NRXN3: variants seen among roughly 807,000 people sequenced by gnomAD.
NRXN3 encodes neurexin III.
A neutral mutation model predicts 137.6 loss-of-function variants in NRXN3; 32 were observed. The observed-to-expected ratio is 0.23, with a 90% CI of 0.18 to 0.31. NRXN3 has a LOEUF of 0.31. Ranked by LOEUF, NRXN3 falls within the 10% of genes least tolerant of loss-of-function variation. NRXN3 has a pLI of 1.00. For synonymous variants in NRXN3, 798 were observed against 784.5 expected (o/e 1.02, Z -0.29); for missense variants, 1,574 against 2,062.5 (o/e 0.76, Z 4.59).
At chr14:78,892,104 A>T (rs1169251062) in intron 10 of NRXN3, among the ~76,000 whole-genome samples, 2 of 151,938 alleles carry the variant, frequency 1.3e-5, no homozygotes, top group East Asian at 3.9e-4. Context: ...GTGCCCCACC[A>T]TACACCTGCT....
chr14:79,249,284 T>G (rs2075630860), intron 15 of NRXN3, among the ~76,000 whole-genome samples: 2 of 152,136 alleles, frequency 1.3e-5, no homozygotes, highest in South Asian at 4.1e-4. Flanking sequence ...GTCTGGCACA[T>G]GAATGTTCAG....
chr14:79,806,937 T>TA (rs2099208295), intron 20 of NRXN3, among the ~76,000 whole-genome samples: 2 of 96,352 alleles, frequency 2.1e-5, no homozygotes, highest in Non-Finnish European at 2.0e-5. Context: ...AGGCTTTAAT[T>TA]TTATATATAT....
chr14:79,783,614 G>A (rs972394966), intron 19 of NRXN3, among the ~76,000 whole-genome samples: 5 of 152,066 alleles, frequency 3.3e-5, no homozygotes, highest in African/African-American at 1.2e-4. Flanking sequence ...CCTTTCGTCT[G>A]GATGCCACTC....
chr14:78,656,884 A>T (rs2097788638), intron 6 of NRXN3, among the ~76,000 whole-genome samples: 2 of 152,012 alleles, frequency 1.3e-5, no homozygotes, highest in Admixed American at 6.5e-5. Flanking sequence ...TCTACTAAAA[A>T]TACAAAATCA....
chr14:78,190,625 T>C (rs529571878), intron 1 of NRXN3, among the ~76,000 whole-genome samples: 1 of 70,708 alleles, frequency 1.4e-5, no homozygotes, highest in African/African-American at 7.6e-5. Context: ...ATTTATTTAT[T>C]TATTTATTTA....
At chr14:78,758,653 T>G (rs2098679659) in intron 8 of NRXN3, among the ~76,000 whole-genome samples, 1 of 152,248 alleles carries the variant, frequency 6.6e-6, no homozygotes, top group African/African-American at 2.4e-5. Flanking sequence ...CCGTTTTTCT[T>G]TCTTATGGTG....
Position 78,966,400 on chromosome 14 carries a change from T to A in NRXN3, c.2771T>A (p.Val924Asp). Reference sequence around the variant, plus strand: ...AATGACTTCATTGCAGTCGAGCTTGTCAAGGGGTAAGTAGAAGGGATCACG... The same window carrying A: ...AATGACTTCATTGCAGTCGAGCTTGACAAGGGGTAAGTAGAAGGGATCACG... ...DGNDFIAVEL[V>D]KGYIHYVFDL... Residue 924 changes from valine (V) to aspartate (D), a missense_variant, in exon 12 of 21, where the codon GTC becomes GAC. Around this residue, in one of 5 missense-constraint regions of NRXN3, gnomAD observed 718 missense variants for 887.6 expected, o/e 0.81. Transcript: ENST00000335750. 1 of 1,612,112 alleles carries A rather than the reference T, an allele frequency of 6.2e-7. No individual in the cohort carries two copies. The highest frequency in any genetic ancestry group is 8.5e-7 in the Non-Finnish European group (1 of 1,178,328).
chr14:78,502,124 C>G lies in NRXN3; in HGVS notation c.758-142996C>G, dbSNP rs568896778. Among the ~76,000 whole-genome samples, 14 of 152,240 alleles carry G rather than the reference C, an allele frequency of 9.2e-5. No homozygotes were observed. In the South Asian group the frequency reaches 2.9e-3, roughly 32 times the overall value. On this transcript the variant is annotated intron_variant, in intron 4 of 20. Coordinates refer to ENST00000335750, the MANE Select transcript of NRXN3 (RefSeq NM_001330195.2). ...CGTGACCAGTATTTCACAGCTCTTT[C>G]CCCCAGCACAGAAATATCTGCCGTG...
chr14:78,846,879 G>C (rs1459287335), intron 10 of NRXN3, among the ~76,000 whole-genome samples: 1 of 152,022 alleles, frequency 6.6e-6, no homozygotes, highest in Non-Finnish European at 1.5e-5. Context: ...TTATCTCAGT[G>C]AAACACTGTG....
At chr14:78,443,545 G>C (rs2094324016) in intron 4 of NRXN3, among the ~76,000 whole-genome samples, 2 of 152,158 alleles carry the variant, frequency 1.3e-5, no homozygotes, top group African/African-American at 4.8e-5. Context: ...GTTACAGTGA[G>C]TGACTCTACT....
At chr14:78,363,477 G>A (rs1301639858) in intron 4 of NRXN3, among the ~76,000 whole-genome samples, 1 of 152,186 alleles carries the variant, frequency 6.6e-6, no homozygotes, top group Non-Finnish European at 1.5e-5. Flanking sequence ...TCATAAAGAT[G>A]ACACAAAGTA....
chr14:78,618,702 A>G (rs187820134), intron 4 of NRXN3, among the ~76,000 whole-genome samples: 140 of 152,234 alleles, frequency 9.2e-4, no homozygotes, highest in African/African-American at 3.1e-3. Context: ...TCTTCAAACA[A>G]TCCATGAAGT....
chr14:79,824,067 T>C lies in NRXN3; in HGVS notation c.4093+18877T>C, dbSNP rs937268854. On this transcript the variant is annotated intron_variant, in intron 20 of 20. Coordinates refer to ENST00000335750, the MANE Select transcript of NRXN3 (RefSeq NM_001330195.2). ...AGAGTCTTGGGAATATGCTTGATCC[T>C]TTAACCCCAGCTTCAGGTGTTGTGT... Among the ~76,000 whole-genome samples the C allele has an allele frequency of 2.0e-5, 3 of 152,330 alleles. No homozygotes were observed. In the East Asian group the frequency reaches 5.8e-4, roughly 29 times the overall value.
At chr14:79,138,859 G>T (rs1402797954) in intron 15 of NRXN3, among the ~76,000 whole-genome samples, 2 of 152,210 alleles carry the variant, frequency 1.3e-5, no homozygotes, top group African/African-American at 4.8e-5. Flanking sequence ...CAGAAAACAG[G>T]ATACAAAAGT....
At chr14:78,574,581 T>C (rs2096918954) in intron 4 of NRXN3, among the ~76,000 whole-genome samples, 1 of 152,214 alleles carries the variant, frequency 6.6e-6, no homozygotes, top group East Asian at 1.9e-4. Flanking sequence ...TGGACTTGCA[T>C]GGGACCTGTA....
intron 15 of NRXN3, among the ~76,000 whole-genome samples, chr14:79,199,333 G>T (rs1045596248): frequency 1.3e-5 from 2 of 151,866 alleles, no homozygotes; most frequent in Non-Finnish European, 2.9e-5. Flanking sequence ...ATACCCTCTA[G>T]AGTGAAACGA....
intron 4 of NRXN3, among the ~76,000 whole-genome samples, chr14:78,425,541 A>G (rs932667130): frequency 6.6e-6 from 1 of 152,164 alleles, no homozygotes; most frequent in Non-Finnish European, 1.5e-5. Flanking sequence ...AAGCTGGCTC[A>G]CAGGCCAGCA....
chr14:79,314,973 G>A lies in NRXN3; in HGVS notation c.3263-152248G>A, dbSNP rs2088201805. ...GGGAAGCATTCTAAGCTTTTGCCAGGACGCCTGCTTATTATATGCTATGGT... is the reference window on the plus strand; with the variant it reads ...GGGAAGCATTCTAAGCTTTTGCCAGAACGCCTGCTTATTATATGCTATGGT... On this transcript the variant is annotated intron_variant, in intron 15 of 20. Coordinates refer to ENST00000335750, the MANE Select transcript of NRXN3 (RefSeq NM_001330195.2). Among the ~76,000 whole-genome samples, 4 of 152,176 alleles carry A rather than the reference G, an allele frequency of 2.6e-5. 1 individual carries two copies. The South Asian group carries it at 8.3e-4, about 32-fold the overall frequency.
intron 2 of NRXN3, among the ~76,000 whole-genome samples, chr14:78,273,364 T>C (rs932666726): frequency 3.9e-5 from 6 of 152,238 alleles, no homozygotes; most frequent in African/African-American, 1.2e-4. Context: ...GAACAGTGCC[T>C]AGCACATAGA....
Sources: gnomAD v4.1 joint callset for allele counts (sites outside exome capture counted in the v4.1 genomes callset) on GRCh38, gnomAD v4.1.1 for gene constraint, gnomAD v4.1.1 regional missense constraint, MANE v1.5 for transcripts, NCBI Gene and HGNC (gene_info 2026-07-23, HGNC 2026-07-21) for gene names.